AGBL1: variants seen among roughly 807,000 people sequenced by gnomAD.
The protein encoded by AGBL1 is AGBL carboxypeptidase 1, also known as cytosolic carboxypeptidase 4.
Under a neutral mutation model 118.9 loss-of-function variants are expected in AGBL1, and 130 were observed. That is an observed-to-expected ratio of 1.09 (90% CI 0.95 to 1.26). The LOEUF is 1.26. AGBL1 is among the 50% of genes most tolerant of loss of function. The probability of loss-of-function intolerance (pLI) is 0.00; values close to 1 mark genes in which losing one functional copy is unlikely to be tolerated. For missense variants in AGBL1, 1,584 were observed against 1,298.1 expected, an observed-to-expected ratio of 1.22 and a Z score of -3.38; for synonymous variants, 555 against 478.9, an observed-to-expected ratio of 1.16 and a Z score of -2.08.
intron 22 of AGBL1, among the ~76,000 whole-genome samples, chr15:86,738,091 T>C (rs1411525684): frequency 6.6e-6 from 1 of 152,032 alleles, no homozygotes; most frequent in Non-Finnish European, 1.5e-5. Flanking sequence ...TCTGTGTCTA[T>C]TGAGATAAAA....
intron 18 of AGBL1, among the ~76,000 whole-genome samples, chr15:86,495,190 A>G (rs1325852567): frequency 1.3e-5 from 2 of 150,958 alleles, no homozygotes; most frequent in Non-Finnish European, 3.0e-5. Flanking sequence ...GTCTTTGGTT[A>G]ACTTTTAATG....
At chr15:86,349,347 A>C (rs1023749879) in intron 17 of AGBL1, among the ~76,000 whole-genome samples, 1 of 152,234 alleles carries the variant, frequency 6.6e-6, no homozygotes, top group Non-Finnish European at 1.5e-5. Flanking sequence ...AAGGAATTAT[A>C]TGATCCATAA....
intron 22 of AGBL1, among the ~76,000 whole-genome samples, chr15:86,694,168 T>G (rs1408816734): frequency 6.6e-6 from 1 of 152,026 alleles, no homozygotes; most frequent in African/African-American, 2.4e-5. Flanking sequence ...TGCATTGAAT[T>G]TGTAGCTTGC....
At chr15:86,454,294 GAACGA>G (rs2082234118) in intron 18 of AGBL1, among the ~76,000 whole-genome samples, 2 of 152,120 alleles carry the variant, frequency 1.3e-5, no homozygotes, top group Admixed American at 1.3e-4. Context: ...CAAAAATATA[GAACGA>G]TTGGAACTCT....
chr15:86,712,771 A>G (rs1215432629), intron 22 of AGBL1, among the ~76,000 whole-genome samples: 52 of 152,162 alleles, frequency 3.4e-4, no homozygotes, highest in Non-Finnish European at 1.5e-5. Flanking sequence ...TAAGTAACAA[A>G]AAAGATGAGG....
At chr15:86,258,863 C>T (rs1259953715) in intron 9 of AGBL1, among the ~76,000 whole-genome samples, 4 of 152,126 alleles carry the variant, frequency 2.6e-5, no homozygotes, top group Non-Finnish European at 2.9e-5. Flanking sequence ...CCTACCACCA[C>T]ACCCAGCTAA....
chr15:86,948,763 A>G (rs1051272771), intron 23 of AGBL1, among the ~76,000 whole-genome samples: 1 of 152,248 alleles, frequency 6.6e-6, no homozygotes, highest in South Asian at 2.1e-4. Context: ...TAAAATAAAC[A>G]TGTAGCATGA....
intron 5 of AGBL1, among the ~76,000 whole-genome samples, chr15:86,164,220 T>C (rs1330218402): frequency 1.3e-5 from 2 of 152,220 alleles, no homozygotes; most frequent in Non-Finnish European, 2.9e-5. Context: ...GTGTTTGGTC[T>C]GTTAATGAAC....
chr15:86,143,115 C>T (rs573508640), intron 2 of AGBL1, among the ~76,000 whole-genome samples: 55 of 152,220 alleles, frequency 3.6e-4, no homozygotes, highest in African/African-American at 1.2e-3. Flanking sequence ...GTAGAAAGAC[C>T]AATAGTTCGT....
chr15:86,580,944 C>T (rs184215014), intron 21 of AGBL1, among the ~76,000 whole-genome samples: 2 of 152,100 alleles, frequency 1.3e-5, no homozygotes, highest in Non-Finnish European at 2.9e-5. Flanking sequence ...AATTTACTTA[C>T]AACTGTTAGA....
chr15:86,251,286 G>C (rs974982978), intron 7 of AGBL1, among the ~76,000 whole-genome samples: 19 of 152,194 alleles, frequency 1.2e-4, no homozygotes, highest in African/African-American at 4.3e-4. Context: ...TTTGCCCACT[G>C]TACCAGCAGC....
At chr15:86,736,695 C>T (rs1267071164) in intron 22 of AGBL1, among the ~76,000 whole-genome samples, 1 of 152,130 alleles carries the variant, frequency 6.6e-6, no homozygotes, top group Non-Finnish European at 1.5e-5. Context: ...TTTTAATATT[C>T]ATGTAAAATT....
At chr15:86,374,743 A>G (rs2081015639) in intron 17 of AGBL1, among the ~76,000 whole-genome samples, 1 of 152,230 alleles carries the variant, frequency 6.6e-6, no homozygotes, top group African/African-American at 2.4e-5. Context: ...TTCTTTGGAA[A>G]TGTAGCAGGG....
rs1555446759 is a variant in AGBL1, at chr15:86,753,397, CT to C, written c.3158+78979del. Among the ~76,000 whole-genome samples, 657 of 111,246 alleles carry C rather than the reference CT, an allele frequency of 5.9e-3. 1 individual carries two copies. Among genetic ancestry groups the C allele is most frequent in the African/African-American group, 0.015 (450 of 30,284 alleles). The allele number at this position is 111,246 out of a possible 152,430, so 73.0% of individuals were successfully genotyped here. A position where few individuals can be genotyped will look rare whatever the true frequency, so the allele number is the denominator to read the frequency against. The stretch of plus-strand genomic sequence containing the variant: ...CAAGGCTTTCTTTCTTTTTCTTTTT[CT>C]TTTTTTTTTTTTTTTTTGAGACAGA... On this transcript the variant is annotated intron_variant, in intron 22 of 22. Coordinates refer to ENST00000614907, the MANE Select transcript of AGBL1 (RefSeq NM_001386094.1).
At chr15:86,237,944 G>T (rs1361909874) in intron 6 of AGBL1, among the ~76,000 whole-genome samples, 1 of 152,044 alleles carries the variant, frequency 6.6e-6, no homozygotes, top group African/African-American at 2.4e-5. Flanking sequence ...TTCATTATTT[G>T]TACTTACCAA....
intron 22 of AGBL1, among the ~76,000 whole-genome samples, chr15:86,719,605 C>T (rs138234279): frequency 0.01 from 1,595 of 152,200 alleles, 13 homozygotes; most frequent in Middle Eastern, 0.031. Flanking sequence ...TATCCTCCCT[C>T]CCTTCCCTTT....
At chr15:86,803,199 G>C (rs2078674028) in intron 22 of AGBL1, among the ~76,000 whole-genome samples, 2 of 152,134 alleles carry the variant, frequency 1.3e-5, no homozygotes, top group South Asian at 4.1e-4. Flanking sequence ...TGTCAAGGGA[G>C]GGAGGTGATT....
intron 19 of AGBL1, among the ~76,000 whole-genome samples, chr15:86,529,960 G>A (rs1251110423): frequency 1.4e-5 from 2 of 137,946 alleles, no homozygotes; most frequent in Non-Finnish European, 3.0e-5. Context: ...TGAAGGAAGT[G>A]CTAAACATGG....
intron 21 of AGBL1, among the ~76,000 whole-genome samples, chr15:86,670,566 T>G (rs1447490906): frequency 6.7e-6 from 1 of 148,664 alleles, no homozygotes; most frequent in Non-Finnish European, 1.5e-5. Context: ...ATCGTGCCAC[T>G]GCACTCCAGC....
Sources: allele counts gnomAD v4.1 joint callset (sites outside exome capture counted in the v4.1 genomes callset), GRCh38; gene constraint gnomAD v4.1.1; transcripts MANE v1.5; gene names NCBI Gene and HGNC (gene_info 2026-07-23, HGNC 2026-07-21).